The following DLG2 variants were observed in gnomAD, a reference collection of about 807,000 sequenced individuals.
The protein encoded by DLG2 is disks large homolog 2.
In DLG2, 45 loss-of-function variants were observed where a neutral mutation model predicts 132.5. The observed-to-expected ratio is 0.34, with a 90% CI of 0.27 to 0.44. The LOEUF is 0.44. Among genes scored for constraint, DLG2 ranks in the 20% least tolerant of loss-of-function variants. The pLI, the probability that DLG2 is intolerant of heterozygous loss-of-function variation, is 1.00. For synonymous variants in DLG2, 424 were observed against 419.6 expected, an observed-to-expected ratio of 1.01 and a Z score of -0.13; for missense variants, 1,045 against 1,196.9, an observed-to-expected ratio of 0.87 and a Z score of 1.87.
chr11:84,190,110 A>AC (rs2096375953), intron 8 of DLG2, among the ~76,000 whole-genome samples: 1 of 152,090 alleles, frequency 6.6e-6, no homozygotes, highest in Non-Finnish European at 1.5e-5. Context: ...TGTTTGACTT[A>AC]AAGGAAGTAG....
intron 3 of DLG2, chr11:85,336,527 C>A: frequency 6.2e-6 from 1 of 160,224 alleles, no homozygotes; most frequent in South Asian, 1.7e-4. Context: ...CTGTGTTGTT[C>A]CTCCCTCTCC....
chr11:83,779,013 G>A (rs2094700074), intron 18 of DLG2, among the ~76,000 whole-genome samples: 1 of 152,032 alleles, frequency 6.6e-6, no homozygotes, highest in Non-Finnish European at 1.5e-5. Flanking sequence ...TGTGGAGAAA[G>A]AAATGTCTAA....
intron 20 of DLG2, 31 bp downstream of exon 20, chr11:83,541,651 G>A: frequency 2.0e-6 from 3 of 1,524,826 alleles, no homozygotes; most frequent in South Asian, 1.3e-5. Flanking sequence ...TAGCTGACAA[G>A]CAAATATTCT....
intron 7 of DLG2, among the ~76,000 whole-genome samples, chr11:84,419,168 CAGAGAG>C (rs10597167): frequency 6.6e-5 from 10 of 150,868 alleles, no homozygotes; most frequent in South Asian, 2.1e-4. Context: ...GGGAGACAGG[CAGAGAG>C]AGAGAGAGAT....
intron 10 of DLG2, among the ~76,000 whole-genome samples, chr11:84,061,851 CAAAAAAAA>C (rs58817248): frequency 1.5e-5 from 2 of 136,002 alleles, no homozygotes; most frequent in African/African-American, 2.7e-5. Flanking sequence ...CTCTGATTGA[CAAAAAAAA>C]AAAAAAAAAA....
At position 83,716,305 on chromosome 11, in the gene DLG2, G is replaced by C. The variant is rs556478033; in HGVS notation, c.1825+70385C>G. On this transcript the variant is annotated intron_variant, in intron 18 of 27. Coordinates refer to ENST00000376104, the MANE Select transcript of DLG2 (RefSeq NM_001142699.3). ...GCTTCAAGCACAGAGACTAGAGAAT[G>C]GGAGGGAGCCAGCAGCCCTGGCAGC... Among the ~76,000 whole-genome samples, 136 of 152,298 alleles carry C rather than the reference G, an allele frequency of 8.9e-4. 1 individual carries two copies. Among genetic ancestry groups the C allele is most frequent in the South Asian group, 8.5e-3 (41 of 4,818 alleles).
chr11:85,341,295 T>C lies in DLG2; in HGVS notation c.41-55930A>G, dbSNP rs575631641. ...CAACATGCCTGGCTAATTTTTTTTG[T>C]ATTTTTAGTAGACACAGGGTTTCAC... is the stretch of plus-strand genomic sequence containing the variant. On this transcript the variant is annotated intron_variant, in intron 3 of 27. Transcript: ENST00000376104. Among the ~76,000 whole-genome samples the C allele has an allele frequency of 1.3e-4, 20 of 152,240 alleles. 1 individual carries two copies. The highest frequency in any genetic ancestry group is 3.9e-4 in the African/African-American group (16 of 41,542).
chr11:85,605,054 A>T (rs1591233604), intron 2 of DLG2, among the ~76,000 whole-genome samples: 1 of 152,334 alleles, frequency 6.6e-6, no homozygotes, highest in East Asian at 1.9e-4. Flanking sequence ...TAACAGGCAA[A>T]TTTTGGAAAA....
At position 85,029,649 on chromosome 11, in the gene DLG2, TTACC is replaced by T. The variant is rs2060843349; in HGVS notation, c.357+82008_357+82011del. On this transcript the variant is annotated intron_variant, in intron 6 of 27. Coordinates refer to ENST00000376104, the MANE Select transcript of DLG2 (RefSeq NM_001142699.3). ...CCAAGTTTAGCCTAAAGCTGCCTCC[TTACC>T]TATCTTAAATTCAGCCCAAAGATTT... Among the ~76,000 whole-genome samples the T allele has an allele frequency of 2.0e-5, 3 of 152,214 alleles. 1 individual carries two copies. The highest frequency in any genetic ancestry group is 4.4e-5 in the Non-Finnish European group (3 of 68,034).
At chr11:83,885,772 G>A (rs2067676935) in intron 15 of DLG2, among the ~76,000 whole-genome samples, 2 of 152,216 alleles carry the variant, frequency 1.3e-5, no homozygotes, top group African/African-American at 4.8e-5. Flanking sequence ...CTACAAGCCA[G>A]AATAGAGTGG....
In DLG2 at chr11:85,069,469, A is replaced by C. The variant is rs1368090732; in HGVS notation, c.357+42192T>G. Among the ~76,000 whole-genome samples, 8 of 152,130 alleles carry C rather than the reference A, an allele frequency of 5.3e-5. No homozygotes were observed. In the South Asian group the frequency reaches 1.7e-3, roughly 32 times the overall value. On this transcript the variant is annotated intron_variant, in intron 6 of 27. Transcript: ENST00000376104. Reference sequence around the variant, plus strand: ...ACAAACTTACAAGAAAAAAACAAACAACCCCATCAAAAAGTGGGCGAAGGA... The same window carrying C: ...ACAAACTTACAAGAAAAAAACAAACCACCCCATCAAAAAGTGGGCGAAGGA...
intron 3 of DLG2, among the ~76,000 whole-genome samples, chr11:85,395,742 T>G (rs1015718494): frequency 5.3e-5 from 8 of 151,920 alleles, no homozygotes. Flanking sequence ...TAGCTCACAG[T>G]GTAAACAAAG....
chr11:85,609,692 T>C (rs1285315090), intron 2 of DLG2, among the ~76,000 whole-genome samples: 1 of 152,136 alleles, frequency 6.6e-6, no homozygotes, highest in Admixed American at 6.5e-5. Context: ...TGAGGGTGCC[T>C]GGGGCAAGCA....
At chr11:84,274,094 G>A (rs1340033232) in intron 7 of DLG2, among the ~76,000 whole-genome samples, 1 of 152,154 alleles carries the variant, frequency 6.6e-6, no homozygotes, top group Non-Finnish European at 1.5e-5. Context: ...AAATATGCAT[G>A]TGCACTTCGA....
intron 10 of DLG2, among the ~76,000 whole-genome samples, chr11:84,082,434 T>C (rs749874047): frequency 6.6e-6 from 1 of 152,224 alleles, no homozygotes; most frequent in Non-Finnish European, 1.5e-5. Context: ...ATCAGAGAAA[T>C]ACATTATCTT....
intron 3 of DLG2, among the ~76,000 whole-genome samples, chr11:85,377,817 G>GTGTGTGTGTGTATACATATATA: frequency 6.9e-6 from 1 of 144,276 alleles, no homozygotes; most frequent in Non-Finnish European, 1.5e-5. Context: ...GTGTGTGTGT[G>GTGTGTGTGTGTATACATATATA]TGTGTGTATA....
intron 6 of DLG2, among the ~76,000 whole-genome samples, chr11:84,953,077 T>TA (rs1794628803): frequency 6.6e-6 from 1 of 152,196 alleles, no homozygotes; most frequent in Non-Finnish European, 1.5e-5. Flanking sequence ...CCTGGTCCAT[T>TA]ATAATAATAT....
chr11:84,546,544 G>T (rs997829139), intron 6 of DLG2: 1 of 364,478 alleles, frequency 2.7e-6, no homozygotes. Flanking sequence ...TCACAGTTAA[G>T]TAGGCAACTA....
intron 15 of DLG2, among the ~76,000 whole-genome samples, chr11:83,887,873 G>GA (rs201804847): frequency 0.37 from 54,969 of 148,332 alleles, 10,433 homozygotes; most frequent in South Asian, 0.5. Flanking sequence ...AATAGATGCA[G>GA]AAAAGGCCTT....
Sources: gnomAD v4.1 joint callset for allele counts (sites outside exome capture counted in the v4.1 genomes callset) on GRCh38, gnomAD v4.1.1 for gene constraint, MANE v1.5 for transcripts, NCBI Gene and HGNC (gene_info 2026-07-23, HGNC 2026-07-21) for gene names.